Variants in EML1 observed in about 807,000 individuals in gnomAD.
The protein encoded by EML1 is EMAP like 1, also known as echinoderm microtubule-associated protein-like 1.
EML1 carries 27 observed loss-of-function variants against 110.4 expected under a neutral mutation model. The observed-to-expected ratio is 0.24, with a 90% confidence interval of 0.18 to 0.34. The LOEUF (loss-of-function observed/expected upper bound fraction) is 0.34. EML1 is among the 10% of genes least tolerant of loss of function. The pLI is 1.00. For missense variants in EML1, 741 were observed against 1,030.9 expected, an observed-to-expected ratio of 0.72 and a Z score of 3.85; for synonymous variants, 344 against 385.8, an observed-to-expected ratio of 0.89 and a Z score of 1.27.
chr14:99,870,573 A>C (rs1026789839), intron 3 of EML1, among the ~76,000 whole-genome samples: 1 of 152,238 alleles, frequency 6.6e-6, no homozygotes, highest in African/African-American at 2.4e-5. Flanking sequence ...TCAAAGCTTC[A>C]AAGGACAGAC....
chr14:99,832,050 T>A (rs2058465027), intron 1 of EML1, among the ~76,000 whole-genome samples: 1 of 152,146 alleles, frequency 6.6e-6, no homozygotes, highest in South Asian at 2.1e-4. Flanking sequence ...CAGCCCTCCC[T>A]GCCCCCCTCC....
At chr14:99,913,054 G>T (rs1402877204) in intron 13 of EML1, among the ~76,000 whole-genome samples, 1 of 152,124 alleles carries the variant, frequency 6.6e-6, no homozygotes, top group Non-Finnish European at 1.5e-5. Flanking sequence ...GGTGTATTTT[G>T]CAATTCTTTC....
intron 1 of EML1, among the ~76,000 whole-genome samples, chr14:99,802,067 G>A (rs994398021): frequency 7.9e-5 from 12 of 152,152 alleles, no homozygotes; most frequent in African/African-American, 2.7e-4. Context: ...GTATCAGGGC[G>A]GGCTTCCTAA....
intron 2 of EML1, among the ~76,000 whole-genome samples, chr14:99,851,409 G>A (rs1480810710): frequency 2.0e-5 from 3 of 152,150 alleles, no homozygotes; most frequent in South Asian, 2.1e-4. Flanking sequence ...CTGGGTTCAC[G>A]CCATTCTCCT....
intron 1 of EML1, among the ~76,000 whole-genome samples, chr14:99,804,988 G>A (rs2139693943): frequency 6.6e-6 from 1 of 152,288 alleles, no homozygotes; most frequent in East Asian, 1.9e-4. Context: ...CCAGGCTGTT[G>A]TGTACAGGAT....
At position 99,831,251 on chromosome 14, in the gene EML1, T is replaced by C. The variant is rs575144821; in HGVS notation, c.68-19602T>C. ...CAGGGCTTTGAAGTGGAAAGGCAAA[T>C]GTTTTCTTGGGTAGATCTGAATATT... On this transcript the variant is annotated intron_variant, in intron 1 of 21. Coordinates refer to ENST00000262233, the MANE Select transcript of EML1 (RefSeq NM_004434.3). 5.3e-5 allele frequency among the ~76,000 whole-genome samples: 8 copies of C among 152,256 alleles called. No individual in the cohort carries two copies. The East Asian group carries it at 1.2e-3, about 22-fold the overall frequency.
At chr14:99,918,057 C>A (rs1313618528) in intron 16 of EML1, among the ~76,000 whole-genome samples, 1 of 152,090 alleles carries the variant, frequency 6.6e-6, no homozygotes. Flanking sequence ...AGCCATAGAC[C>A]CTCTCTCCTG....
chr14:99,866,513 T>C (rs2059102866), intron 3 of EML1, among the ~76,000 whole-genome samples: 1 of 136,756 alleles, frequency 7.3e-6, no homozygotes, highest in Non-Finnish European at 1.5e-5. Flanking sequence ...AAGGTTGCAG[T>C]GAGTCAAGAT....
chr14:99,804,743 G>A (rs2057940742), intron 1 of EML1, among the ~76,000 whole-genome samples: 1 of 152,176 alleles, frequency 6.6e-6, no homozygotes, highest in Non-Finnish European at 1.5e-5. Flanking sequence ...TATTGGAGGA[G>A]TCTCTGAACA....
chr14:99,865,595 T>C lies in EML1; in HGVS notation c.332T>C (p.Leu111Pro). The change falls in exon 3 of 22, where the codon CTA becomes CCA. Residue 111 changes from leucine (L) to proline (P), a missense_variant. Transcript: ENST00000262233. ...TVLPKKPTGSLPSPSGVRKET... is the reference protein window; with the variant it reads ...TVLPKKPTGSPPSPSGVRKET... ...TTACCAAAGAAACCTACTGGCTCTC[T>C]ACCATCCCCCTCCGGGGTCAGGAAA... The C allele has an allele frequency of 6.2e-7, 1 of 1,614,228 alleles. No homozygotes were observed. The highest frequency in any genetic ancestry group is 8.5e-7 in the Non-Finnish European group (1 of 1,180,030).
At chr14:99,904,606 A>C (rs2140030364) in intron 9 of EML1, among the ~76,000 whole-genome samples, 1 of 152,348 alleles carries the variant, frequency 6.6e-6, no homozygotes, top group Admixed American at 6.5e-5. Context: ...TCACACACAT[A>C]ATACATGTAA....
At chr14:99,738,650 C>T (rs2056998484) in intron 1 of EML1, among the ~76,000 whole-genome samples, 1 of 152,210 alleles carries the variant, frequency 6.6e-6, no homozygotes, top group South Asian at 2.1e-4. Flanking sequence ...GCCTCCGTGT[C>T]CCCAGGTAAA....
intron 17 of EML1, among the ~76,000 whole-genome samples, chr14:99,933,669 G>A (rs545867963): frequency 3.3e-5 from 5 of 152,352 alleles, no homozygotes; most frequent in Non-Finnish European, 7.3e-5. Context: ...TATTGTACAC[G>A]CCTCACTGTC....
intron 1 of EML1, among the ~76,000 whole-genome samples, chr14:99,806,316 C>CTTTTTT (rs1198890041): frequency 1.1e-5 from 1 of 87,772 alleles, no homozygotes; most frequent in Admixed American, 1.3e-4. Context: ...TCTCCAGAAT[C>CTTTTTT]TTTTTTTTTT....
intron 3 of EML1, among the ~76,000 whole-genome samples, chr14:99,877,124 G>A (rs2059305547): frequency 6.6e-6 from 1 of 152,000 alleles, no homozygotes; most frequent in Admixed American, 6.6e-5. Flanking sequence ...CGAGACCAGG[G>A]GGGCCAGCAT....
rs1159232210 is a variant in EML1 at position 99,914,707 on chromosome 14, C to G, written c.1752+10C>G. Reference sequence around the variant, plus strand: ...GGACAAAATAATAGAGGTAAACATGCACATTACATTTCCATTTTTCTTACA... The same window carrying G: ...GGACAAAATAATAGAGGTAAACATGGACATTACATTTCCATTTTTCTTACA... On this transcript the variant is annotated intron_variant, in intron 15 of 21. Coordinates refer to ENST00000262233, the MANE Select transcript of EML1 (RefSeq NM_004434.3). The G allele has an allele frequency of 6.3e-7, 1 of 1,596,248 alleles. No homozygotes were observed. Among genetic ancestry groups the G allele is most frequent in the Non-Finnish European group, 8.5e-7 (1 of 1,175,246 alleles).
chr14:99,898,309 T>C lies in EML1; in HGVS notation c.897+7T>C. 3.1e-6 allele frequency: 5 copies of C among 1,608,042 alleles called. No homozygotes were observed. The highest frequency in any genetic ancestry group is 4.2e-6 in the Non-Finnish European group (5 of 1,176,922). ...CACATCGAAGGATGGAAAAGTGAGTTACGTTACCTTTTCATTGTTTCATAA... is the reference window on the plus strand; with the variant it reads ...CACATCGAAGGATGGAAAAGTGAGTCACGTTACCTTTTCATTGTTTCATAA... On this transcript the variant is annotated splice_region_variant and intron_variant, in intron 8 of 21. Transcript: ENST00000262233.
intron 17 of EML1, among the ~76,000 whole-genome samples, chr14:99,921,968 C>A (rs1472265393): frequency 6.6e-6 from 1 of 152,164 alleles, no homozygotes; most frequent in Non-Finnish European, 1.5e-5. Context: ...ATTGCTTTTT[C>A]TGGACATATC....
At chr14:99,837,001 T>TTC (rs2058551868) in intron 1 of EML1, among the ~76,000 whole-genome samples, 1 of 151,874 alleles carries the variant, frequency 6.6e-6, no homozygotes, top group Non-Finnish European at 1.5e-5. Context: ...ATTTTTTTTT[T>TTC]TTTTTGGATG....
Sources: gnomAD v4.1 joint callset for allele counts (sites outside exome capture counted in the v4.1 genomes callset) on GRCh38, gnomAD v4.1.1 for gene constraint, MANE v1.5 for transcripts, NCBI Gene and HGNC (gene_info 2026-07-23, HGNC 2026-07-21) for gene names.